FOXN3: variants seen among roughly 807,000 people sequenced by gnomAD.
FOXN3 encodes forkhead box protein N3.
In FOXN3, 7 loss-of-function variants were observed where a neutral mutation model predicts 38.4. The ratio of observed to expected loss-of-function variants is 0.18; its 90% CI spans 0.10 to 0.34. The LOEUF (loss-of-function observed/expected upper bound fraction) is 0.34. FOXN3 is among the 10% of genes least tolerant of loss of function. The pLI, the probability that FOXN3 is intolerant of heterozygous loss-of-function variation, is 1.00. For synonymous variants in FOXN3, 230 were observed against 242.2 expected (o/e 0.95, Z 0.47); for missense variants, 456 against 613.4 (o/e 0.74, Z 2.71).
intron 3 of FOXN3, among the ~76,000 whole-genome samples, chr14:89,331,991 T>G (rs1171191992): frequency 6.6e-6 from 1 of 152,208 alleles, no homozygotes; most frequent in Non-Finnish European, 1.5e-5. Flanking sequence ...ATCTTAATTT[T>G]GGCTTACTAC....
chr14:89,542,612 G>C (rs1454644950), intron 1 of FOXN3, among the ~76,000 whole-genome samples: 2 of 152,134 alleles, frequency 1.3e-5, no homozygotes, highest in African/African-American at 4.8e-5. Flanking sequence ...CTACATTTGT[G>C]CCTTAGAAAA....
chr14:89,268,747 G>A (rs1886058709), intron 4 of FOXN3, among the ~76,000 whole-genome samples: 1 of 152,144 alleles, frequency 6.6e-6, no homozygotes, highest in African/African-American at 2.4e-5. Context: ...CCCTCCACCA[G>A]TCACTAAGGC....
At chr14:89,284,138 G>A (rs1886544127) in intron 3 of FOXN3, among the ~76,000 whole-genome samples, 1 of 152,102 alleles carries the variant, frequency 6.6e-6, no homozygotes, top group Non-Finnish European at 1.5e-5. Flanking sequence ...CAAAGTGCTG[G>A]GATTGCAGGG....
chr14:89,519,902 C>G (rs1894284091), intron 1 of FOXN3, among the ~76,000 whole-genome samples: 1 of 152,132 alleles, frequency 6.6e-6, no homozygotes, highest in Non-Finnish European at 1.5e-5. Flanking sequence ...ACAACACTGC[C>G]TGAAGGTAGT....
At chr14:89,318,347 T>C (rs1221834032) in intron 3 of FOXN3, among the ~76,000 whole-genome samples, 2 of 151,926 alleles carry the variant, frequency 1.3e-5, no homozygotes, top group Non-Finnish European at 2.9e-5. Context: ...TTAGTAGAGA[T>C]GGAGTTTCAC....
intron 2 of FOXN3, among the ~76,000 whole-genome samples, chr14:89,387,511 C>T (rs1159156601): frequency 6.6e-6 from 1 of 152,300 alleles, no homozygotes; most frequent in Admixed American, 6.5e-5. Flanking sequence ...GCTAGCAAGT[C>T]GTAAAACAAA....
At chr14:89,594,518 G>A (rs181090531) in intron 1 of FOXN3, among the ~76,000 whole-genome samples, 65 of 152,336 alleles carry the variant, frequency 4.3e-4, no homozygotes, top group African/African-American at 1.5e-3. Flanking sequence ...CCTCTTTGGT[G>A]AAGTCCCTAT....
At chr14:89,379,244 C>A (rs1890572994) in intron 2 of FOXN3, among the ~76,000 whole-genome samples, 1 of 152,194 alleles carries the variant, frequency 6.6e-6, no homozygotes, top group South Asian at 2.1e-4. Context: ...ACTCGGGGAC[C>A]TTCCCTGGCT....
chr14:89,470,796 G>A (rs942377881), intron 1 of FOXN3, among the ~76,000 whole-genome samples: 1 of 152,136 alleles, frequency 6.6e-6, no homozygotes, highest in Non-Finnish European at 1.5e-5. Context: ...CCTCGGAGCG[G>A]CCCAGTAGAG....
At chr14:89,384,556 T>C (rs996546929) in intron 2 of FOXN3, among the ~76,000 whole-genome samples, 2 of 152,160 alleles carry the variant, frequency 1.3e-5, no homozygotes, top group African/African-American at 4.8e-5. Flanking sequence ...TTTTGTAATC[T>C]AGATTAAAAA....
At chr14:89,250,357 T>G (rs768187874) in intron 4 of FOXN3, among the ~76,000 whole-genome samples, 1 of 152,226 alleles carries the variant, frequency 6.6e-6, no homozygotes, top group Non-Finnish European at 1.5e-5. Context: ...GCAATTATCC[T>G]GCCTCAGTCT....
Position 89,180,814 on chromosome 14 carries a change from A to G in FOXN3, c.746-8T>C. On this transcript the variant is annotated splice_region_variant and splice_polypyrimidine_tract_variant and intron_variant, in intron 4 of 5. Coordinates refer to ENST00000557258, the MANE Select transcript of FOXN3 (RefSeq NM_005197.4). ...GGATCACTCCTGGAGGAACTGAAAAAGCAAAGGGGAGAAAGACACCGCACG... is the reference window on the plus strand; with the variant it reads ...GGATCACTCCTGGAGGAACTGAAAAGGCAAAGGGGAGAAAGACACCGCACG... 1 of 1,599,244 alleles carries G rather than the reference A, an allele frequency of 6.3e-7. No homozygotes were observed. The highest frequency in any genetic ancestry group is 1.7e-5 in the Admixed American group (1 of 58,404).
intron 1 of FOXN3, among the ~76,000 whole-genome samples, chr14:89,604,272 C>CAGAG (rs918900468): frequency 7.3e-5 from 11 of 150,584 alleles, no homozygotes; most frequent in East Asian, 3.9e-4. Flanking sequence ...CGCACACACA[C>CAGAG]AGAGAGAGAG....
At chr14:89,608,218 G>A (rs764644024) in intron 1 of FOXN3, among the ~76,000 whole-genome samples, 1 of 152,270 alleles carries the variant, frequency 6.6e-6, no homozygotes, top group Admixed American at 6.5e-5. Flanking sequence ...GGATGGTCTC[G>A]ATCTCCCGAC....
chr14:89,340,379 A>C (rs1566960983), intron 3 of FOXN3, among the ~76,000 whole-genome samples: 1 of 152,310 alleles, frequency 6.6e-6, no homozygotes, highest in Non-Finnish European at 1.5e-5. Flanking sequence ...TGAGAAGATA[A>C]GGATTTTTTT....
At chr14:89,513,719 C>T (rs1316137271) in intron 1 of FOXN3, among the ~76,000 whole-genome samples, 1 of 152,078 alleles carries the variant, frequency 6.6e-6, no homozygotes, top group Non-Finnish European at 1.5e-5. Flanking sequence ...CTCAGCCTCC[C>T]GAGTAGCTGG....
At chr14:89,266,496 G>A (rs924201110) in intron 4 of FOXN3, among the ~76,000 whole-genome samples, 3 of 152,078 alleles carry the variant, frequency 2.0e-5, no homozygotes, top group Admixed American at 6.6e-5. Flanking sequence ...CTGGGGGGGC[G>A]GTGGAGATGC....
rs61390956 is a variant in FOXN3, at chr14:89,161,596, T to TGTGTGTGTGCGC, written c.*817_*818insGCGCACACACAC. Reference sequence around the variant, plus strand: ...GTGTGTGTGTGTGTGTGTGTGTGTGTGCGTGCGTGCACAGGGCCAATCTTC... The same window carrying TGTGTGTGTGCGC: ...GTGTGTGTGTGTGTGTGTGTGTGTGTGTGTGTGTGCGCGCGTGCGTGCACAGGGCCAATCTTC... On this transcript the variant is annotated 3_prime_UTR_variant, in exon 6 of 6. Coordinates refer to ENST00000557258, the MANE Select transcript of FOXN3 (RefSeq NM_005197.4). 27 of 136,710 alleles carry TGTGTGTGTGCGC rather than the reference T, an allele frequency of 2.0e-4. No homozygotes were observed. The highest frequency in any genetic ancestry group is 8.0e-3 in the Middle Eastern group (2 of 250). The allele number at this position is 136,710 out of a possible 1,614,324, so 8.5% of individuals were successfully genotyped here. A position where few individuals can be genotyped will look rare whatever the true frequency, so the allele number is the denominator to read the frequency against.
At chr14:89,258,429 T>A (rs561393263) in intron 4 of FOXN3, among the ~76,000 whole-genome samples, 1 of 152,288 alleles carries the variant, frequency 6.6e-6, no homozygotes, top group African/African-American at 2.4e-5. Flanking sequence ...ATGACGATGA[T>A]GATGATGCCA....
Sources: gnomAD v4.1 joint callset for allele counts (sites outside exome capture counted in the v4.1 genomes callset) on GRCh38, gnomAD v4.1.1 for gene constraint, MANE v1.5 for transcripts, NCBI Gene and HGNC (gene_info 2026-07-23, HGNC 2026-07-21) for gene names.